The following MC4R variants were observed in gnomAD, a reference collection of about 807,000 sequenced individuals.
MC4R encodes the protein melanocortin 4 receptor, also known as melanocortin receptor 4.
In MC4R, 15 loss-of-function variants were observed where a neutral mutation model predicts 16.1. That is an observed-to-expected ratio of 0.93 (90% CI 0.62 to 1.44). The LOEUF (loss-of-function observed/expected upper bound fraction) is 1.44. Among genes scored for constraint, MC4R ranks in the 40% most tolerant of loss-of-function variants. The pLI is 0.00. For missense variants in MC4R, 416 were observed against 411.4 expected (o/e 1.01, Z -0.10); for synonymous variants, 162 against 151.7 (o/e 1.07, Z -0.50).
In MC4R at chr18:60,371,242, C is replaced by G. The variant is rs1915328456; in HGVS notation, c.*109G>C. 1 of 1,151,706 alleles carries G rather than the reference C, an allele frequency of 8.7e-7. No individual in the cohort carries two copies. The highest frequency in any genetic ancestry group is 1.5e-5 in the African/African-American group (1 of 66,018). 71.3% of individuals were successfully genotyped at this position (1,151,706 alleles called of 1,614,324 possible). Reference sequence around the variant, plus strand: ...AAATTTACACAATGGATATTCTCAACCAGTACCCTACACGGAAGAGAAAGC... The same window carrying G: ...AAATTTACACAATGGATATTCTCAAGCAGTACCCTACACGGAAGAGAAAGC... On this transcript the variant is annotated 3_prime_UTR_variant, in exon 1 of 1. Coordinates refer to ENST00000299766, the MANE Select transcript of MC4R (RefSeq NM_005912.3).
rs1908406516 is a variant in MC4R, at chr18:60,372,768, T to A, written c.-419A>T. On this transcript the variant is annotated 5_prime_UTR_variant, in exon 1 of 1. Coordinates refer to ENST00000299766, the MANE Select transcript of MC4R (RefSeq NM_005912.3). ...TCTGTTTCCAGCCTGAGCGTTGCTT[T>A]GAGTGTTAGGGGCTGTAGGCGCCAG... 3.7e-6 allele frequency: 1 copy of A among 271,356 alleles called. No homozygotes were observed. The highest frequency in any genetic ancestry group is 2.2e-5 in the African/African-American group (1 of 44,656). 16.8% of individuals were successfully genotyped at this position (271,356 alleles called of 1,614,324 possible). A position where few individuals can be genotyped will look rare whatever the true frequency, so the allele number is the denominator to read the frequency against.
chr18:60,371,441 T>C lies in MC4R; in HGVS notation c.909A>G (p.Ala303=). The change falls in exon 1 of 1, where the codon GCA becomes GCG. Residue 303 remains alanine, a synonymous_variant. Coordinates refer to ENST00000299766, the MANE Select transcript of MC4R (RefSeq NM_005912.3). ...TTTTCCTCAGTTCTTGACTCCGGAG[T>C]GCATAAATCAGAGGATCGATGATTG... ...CNSIIDPLIY[A]LRSQELRKTF... is the part of the protein sequence containing the mutation. 6.2e-7 allele frequency: 1 copy of C among 1,614,046 alleles called. No homozygotes were observed. The highest frequency in any genetic ancestry group is 1.1e-5 in the South Asian group (1 of 91,078).
Position 60,371,513 on chromosome 18 carries a change from G to T in MC4R, c.837C>A (p.Cys279Ter). Residue 279 changes from cysteine (C) to a stop codon, truncating the protein, a stop_gained, in exon 1 of 1, where the codon TGC becomes TGA. Transcript: ENST00000299766. LOFTEE classifies it high-confidence loss of function. ...GATACAAGTTAAAGTGAGACATGAAGCACACACAATATGGATTCTGAGGAC... is the reference window on the plus strand; with the variant it reads ...GATACAAGTTAAAGTGAGACATGAATCACACACAATATGGATTCTGAGGAC... Reference protein sequence around the residue: ...ISCPQNPYCVCFMSHFNLYLI... With the variant: ...ISCPQNPYCV The T allele has an allele frequency of 6.2e-7, 1 of 1,614,190 alleles. No homozygotes were observed. Among genetic ancestry groups the T allele is most frequent in the East Asian group, 2.2e-5 (1 of 44,882 alleles).
rs777077280 is a variant in MC4R, at chr18:60,372,070, TCACCAGCATATCAGC to T, written c.265_279del (p.Ala89_Val93del). The T allele has an allele frequency of 1.2e-6, 2 of 1,614,190 alleles. No homozygotes were observed. Among genetic ancestry groups the T allele is most frequent in the Non-Finnish European group, 1.7e-6 (2 of 1,180,034 alleles). On this transcript the variant is annotated inframe_deletion, in exon 1 of 1. Coordinates refer to ENST00000299766, the MANE Select transcript of MC4R (RefSeq NM_005912.3). ...ATGGTTTCTGATCCATTTGAAACGC[TCACCAGCATATCAGC>T]CACAGCCAAGCTGCAGATGAAAAAG...
Position 60,371,296 on chromosome 18 carries a change from G to C in MC4R, c.*55C>G. 6.5e-7 allele frequency: 1 copy of C among 1,549,818 alleles called. No individual in the cohort carries two copies. Among genetic ancestry groups the C allele is most frequent in the Admixed American group, 1.7e-5 (1 of 59,944 alleles). ...TGCAGAAGTACAATATTCAGGTAGG[G>C]TAAGAGTGAAAAAGTCTCTTATGCA... On this transcript the variant is annotated 3_prime_UTR_variant, in exon 1 of 1. Coordinates refer to ENST00000299766, the MANE Select transcript of MC4R (RefSeq NM_005912.3).
In MC4R at chr18:60,371,292, T is replaced by G. The variant is rs1281673124; in HGVS notation, c.*59A>C. On this transcript the variant is annotated 3_prime_UTR_variant, in exon 1 of 1. Transcript: ENST00000299766. ...CTGTTGCAGAAGTACAATATTCAGGTAGGGTAAGAGTGAAAAAGTCTCTTA... is the reference window on the plus strand; with the variant it reads ...CTGTTGCAGAAGTACAATATTCAGGGAGGGTAAGAGTGAAAAAGTCTCTTA... The G allele has an allele frequency of 1.0e-5, 16 of 1,528,002 alleles. No individual in the cohort carries two copies. The highest frequency in any genetic ancestry group is 1.1e-5 in the Non-Finnish European group (12 of 1,104,320). The allele number at this position is 1,528,002 out of a possible 1,614,324, so 94.7% of individuals were successfully genotyped here.
At position 60,371,304 on chromosome 18, in the gene MC4R, G is replaced by C. The variant is rs1394739141; in HGVS notation, c.*47C>G. On this transcript the variant is annotated 3_prime_UTR_variant, in exon 1 of 1. Transcript: ENST00000299766. ...TACAATATTCAGGTAGGGTAAGAGT[G>C]AAAAAGTCTCTTATGCATGTTCCTA... The C allele has an allele frequency of 6.3e-6, 10 of 1,597,762 alleles. No individual in the cohort carries two copies. Among genetic ancestry groups the C allele is most frequent in the Admixed American group, 1.7e-5 (1 of 60,002 alleles).
In MC4R at chr18:60,371,865, G is replaced by C; in HGVS notation, c.485C>G (p.Thr162Arg). 2 of 1,614,156 alleles carry C rather than the reference G, an allele frequency of 1.2e-6. No homozygotes were observed. The highest frequency in any genetic ancestry group is 2.2e-5 in the East Asian group (1 of 44,880). The change falls in exon 1 of 1, where the codon ACA becomes AGA. Residue 162 changes from threonine to arginine, a missense_variant. Coordinates refer to ENST00000299766, the MANE Select transcript of MC4R (RefSeq NM_005912.3). ...FYALQYHNIM[T>R]VKRVGIIISC... ...TATGATGATCCCAACCCGCTTAACT[G>C]TCATAATGTTATGGTACTGGAGAGC... is the stretch of plus-strand genomic sequence containing the variant.
At position 60,371,099 on chromosome 18, in the gene MC4R, T is replaced by C. The variant is rs6567166; in HGVS notation, c.*252A>G. The C allele has an allele frequency of 0.01, 4,913 of 475,896 alleles. 172 individuals carry two copies. The highest frequency in any genetic ancestry group is 0.087 in the African/African-American group (4,482 of 51,242). 29.5% of individuals were successfully genotyped at this position (475,896 alleles called of 1,614,324 possible). A position where few individuals can be genotyped will look rare whatever the true frequency, so the allele number is the denominator to read the frequency against. ...CTTTTAATAAGGACTTTTCTTTTTGTAAATCCACAGTGCCTACAACCTATA... is the reference window on the plus strand; with the variant it reads ...CTTTTAATAAGGACTTTTCTTTTTGCAAATCCACAGTGCCTACAACCTATA... On this transcript the variant is annotated 3_prime_UTR_variant, in exon 1 of 1. Transcript: ENST00000299766.
chr18:60,371,792 AATG>A lies in MC4R; in HGVS notation c.555_557del (p.Ile186del). 6.2e-7 allele frequency: 1 copy of A among 1,614,174 alleles called. No individual in the cohort carries two copies. Among genetic ancestry groups the A allele is most frequent in the Non-Finnish European group, 8.5e-7 (1 of 1,180,026 alleles). On this transcript the variant is annotated inframe_deletion, in exon 1 of 1. Coordinates refer to ENST00000299766, the MANE Select transcript of MC4R (RefSeq NM_005912.3). ...TGATGACAGCACTACTATCTGAGTA[AATG>A]ATGAACAAAATGCCTGAAACCGTGC...
chr18:60,371,159 A>T lies in MC4R; in HGVS notation c.*192T>A. 1 of 615,970 alleles carries T rather than the reference A, an allele frequency of 1.6e-6. No homozygotes were observed. Among genetic ancestry groups the T allele is most frequent in the Non-Finnish European group, 2.8e-6 (1 of 354,238 alleles). The allele number at this position is 615,970 out of a possible 1,614,324, so 38.2% of individuals were successfully genotyped here. On this transcript the variant is annotated 3_prime_UTR_variant, in exon 1 of 1. Coordinates refer to ENST00000299766, the MANE Select transcript of MC4R (RefSeq NM_005912.3). ...CATATTTTATGGCCAAAAAAGTAGC[A>T]TGACATTGGAAATAATACAGAGACT...
rs140773238 is a variant in MC4R, at chr18:60,371,945, T to G, written c.405A>C (p.Ala135=). Reference sequence around the variant, plus strand: ...CAATTGAAAGCAGGCTGCAAATGGATGCAAGCAAGGAGCTACAGATCACCG... The same window carrying G: ...CAATTGAAAGCAGGCTGCAAATGGAGGCAAGCAAGGAGCTACAGATCACCG... ...IDSVICSSLL[A]SICSLLSIAV... The change falls in exon 1 of 1, where the codon GCA becomes GCC. Residue 135 remains alanine, a synonymous_variant. Transcript: ENST00000299766. The G allele has an allele frequency of 1.5e-4, 250 of 1,613,996 alleles. No homozygotes were observed. Among genetic ancestry groups the G allele is most frequent in the Non-Finnish European group, 2.0e-4 (239 of 1,180,036 alleles).
Position 60,372,147 on chromosome 18 carries a change from G to A in MC4R, c.203C>T (p.Ala68Val), listed in dbSNP as rs1157101126. 3.1e-6 allele frequency: 5 copies of A among 1,614,184 alleles called. No homozygotes were observed. Among genetic ancestry groups the A allele is most frequent in the African/African-American group, 2.7e-5 (2 of 75,050 alleles). The stretch of plus-strand genomic sequence containing the variant: ...ATGCAGATTCTTGTTCTTGGCTATT[G>A]CCACAATCACTAAGATATTCTCCAA... ...SLLENILVIVAIAKNKNLHSP... is the reference protein window; with the variant it reads ...SLLENILVIVVIAKNKNLHSP... Residue 68 changes from alanine (A) to valine (V), a missense_variant, in exon 1 of 1, where the codon GCA becomes GTA. By Grantham distance (64) the Ala-to-Val change is moderately conservative. Transcript: ENST00000299766.
In MC4R at chr18:60,372,397, G is replaced by T; in HGVS notation, c.-48C>A. On this transcript the variant is annotated 5_prime_UTR_variant, in exon 1 of 1. Coordinates refer to ENST00000299766, the MANE Select transcript of MC4R (RefSeq NM_005912.3). ...CCCCCTGAATTGATTTAACCTCCTG[G>T]GTCAGGGAGTCGTCTCAGTTATTTC... The T allele has an allele frequency of 6.2e-7, 1 of 1,601,386 alleles. No individual in the cohort carries two copies. The highest frequency in any genetic ancestry group is 8.5e-7 in the Non-Finnish European group (1 of 1,171,200).
rs1207925887 is a variant in MC4R at position 60,371,674 on chromosome 18, T to A, written c.676A>T (p.Ile226Phe). Residue 226 changes from isoleucine to phenylalanine, a missense_variant, in exon 1 of 1, where the codon ATT (isoleucine) becomes TTT (phenylalanine). By Grantham distance (21) the Ile-to-Phe change is conservative. Coordinates refer to ENST00000299766, the MANE Select transcript of MC4R (RefSeq NM_005912.3). ...FLMARLHIKR[I>F]AVLPGTGAIR... ...GCACCAGTGCCGGGGAGGACAGCAA[T>A]CCTCTTAATGTGAAGCCTGGCCATC... 6.2e-7 allele frequency: 1 copy of A among 1,614,080 alleles called. No individual in the cohort carries two copies. The highest frequency in any genetic ancestry group is 1.7e-5 in the Admixed American group (1 of 60,024).
In MC4R at chr18:60,371,969, C is replaced by G. The variant is rs912789585; in HGVS notation, c.381G>C (p.Ser127=). 9 of 1,613,912 alleles carry G rather than the reference C, an allele frequency of 5.6e-6. No homozygotes were observed. The highest frequency in any genetic ancestry group is 7.6e-6 in the Non-Finnish European group (9 of 1,180,030). Residue 127 remains serine (S), a synonymous_variant, in exon 1 of 1, where the codon TCG becomes TCC. Transcript: ENST00000299766. ...FTVNIDNVID[S]VICSSLLASI... is the part of the protein sequence containing the mutation. ...ATGCAAGCAAGGAGCTACAGATCAC[C>G]GAGTCAATGACATTATCAATATTCA...
chr18:60,372,281 C>T lies in MC4R; in HGVS notation c.69G>A (p.Leu23=), dbSNP rs1401007330. The T allele has an allele frequency of 2.5e-6, 4 of 1,614,222 alleles. No individual in the cohort carries two copies. The highest frequency in any genetic ancestry group is 2.5e-6 in the Non-Finnish European group (3 of 1,180,028). Residue 23 remains leucine (L), a synonymous_variant, in exon 1 of 1, where the codon CTG becomes CTA. Transcript: ENST00000299766. ...LHLWNRSSYR[L]HSNASESLGK... Reference sequence around the variant, plus strand: ...CAAGGGACTCACTGGCATTGCTGTGCAGTCTGTAACTGCTGCGGTTCCAGA... The same window carrying T: ...CAAGGGACTCACTGGCATTGCTGTGTAGTCTGTAACTGCTGCGGTTCCAGA...
In MC4R at chr18:60,371,466, G is replaced by A; in HGVS notation, c.884C>T (p.Ser295Leu). The stretch of plus-strand genomic sequence containing the variant: ...TGCATAAATCAGAGGATCGATGATT[G>A]AATTACACATGATCAGTATGAGATA... ...NLYLILIMCN[S>L]IIDPLIYALR... Residue 295 changes from serine to leucine, a missense_variant, in exon 1 of 1, where the codon TCA (serine) becomes TTA (leucine). Ser to Leu is a moderately radical substitution (Grantham distance 145). Coordinates refer to ENST00000299766, the MANE Select transcript of MC4R (RefSeq NM_005912.3). 1 of 1,614,136 alleles carries A rather than the reference G, an allele frequency of 6.2e-7. No homozygotes were observed. The highest frequency in any genetic ancestry group is 1.6e-4 in the Middle Eastern group (1 of 6,062).
chr18:60,372,006 T>C lies in MC4R; in HGVS notation c.344A>G (p.Gln115Arg). The C allele has an allele frequency of 6.2e-7, 1 of 1,614,186 alleles. No individual in the cohort carries two copies. Among genetic ancestry groups the C allele is most frequent in the African/African-American group, 1.3e-5 (1 of 75,076 alleles). ...TLLNSTDTDA[Q>R]SFTVNIDNVI... ...ATTATCAATATTCACTGTGAAACTC[T>C]GTGCATCCGTATCTGTACTGTTTAA... The change falls in exon 1 of 1, where the codon CAG (glutamine) becomes CGG (arginine). Residue 115 changes from glutamine to arginine, a missense_variant. Coordinates refer to ENST00000299766, the MANE Select transcript of MC4R (RefSeq NM_005912.3).
Sources: gnomAD v4.1 joint callset for allele counts on GRCh38, gnomAD v4.1.1 for gene constraint, MANE v1.5 for transcripts, NCBI Gene and HGNC (gene_info 2026-07-23, HGNC 2026-07-21) for gene names.